Variants in ADGRL2 observed in about 807,000 individuals in gnomAD.
ADGRL2 encodes the protein adhesion G protein-coupled receptor L2, also known as calcium-independent alpha-latrotoxin receptor 2.
A neutral mutation model predicts 157.4 loss-of-function variants in ADGRL2; 44 were observed. The observed-to-expected ratio is 0.28, with a 90% CI of 0.22 to 0.36. The LOEUF (loss-of-function observed/expected upper bound fraction) is 0.36, where lower values mean the gene tolerates loss of function less well. Ranked by LOEUF, ADGRL2 falls within the 10% of genes least tolerant of loss-of-function variation. ADGRL2 has a pLI of 1.00. For missense variants in ADGRL2, 1,510 were observed against 1,768.9 expected (o/e 0.85, Z 2.63); for synonymous variants, 585 against 624.7 (o/e 0.94, Z 0.95).
intron 2 of ADGRL2, among the ~76,000 whole-genome samples, chr1:81,499,219 T>C (rs80127195): frequency 0.018 from 2,719 of 152,396 alleles, 69 homozygotes; most frequent in African/African-American, 0.062. Context: ...TTATACTCTT[T>C]GGTCCAATAA....
At chr1:81,784,489 A>G (rs968122715) in intron 2 of ADGRL2, among the ~76,000 whole-genome samples, 4 of 152,190 alleles carry the variant, frequency 2.6e-5, no homozygotes, top group African/African-American at 9.7e-5. Flanking sequence ...GCACTTTGGG[A>G]GGCCAAGGTA....
At chr1:81,863,228 T>G (rs2093439985) in intron 2 of ADGRL2, among the ~76,000 whole-genome samples, 1 of 151,424 alleles carries the variant, frequency 6.6e-6, no homozygotes. Flanking sequence ...CTTTGGGCCC[T>G]GTCATATATG....
At chr1:81,720,079 T>G (rs1388657189) in intron 1 of ADGRL2, among the ~76,000 whole-genome samples, 8 of 152,152 alleles carry the variant, frequency 5.3e-5, no homozygotes, top group Admixed American at 5.2e-4. Context: ...GCTGCTGAGG[T>G]TGCCAGAGTG....
chr1:81,476,338 TGCAAAAATATCTAAGTAAAGCA>T (rs1229458650), intron 2 of ADGRL2, among the ~76,000 whole-genome samples: 2 of 152,124 alleles, frequency 1.3e-5, no homozygotes, highest in African/African-American at 4.8e-5. Flanking sequence ...TAAGTAAAGC[TGCAAAAATATCTAAGTAAAGCA>T]GCAAAAATTG....
intron 2 of ADGRL2, among the ~76,000 whole-genome samples, chr1:81,771,720 T>A (rs2086376817): frequency 6.6e-6 from 1 of 152,044 alleles, no homozygotes; most frequent in South Asian, 2.1e-4. Context: ...TGCAACCTTA[T>A]CCTATCCCTC....
At chr1:81,962,713 AT>A (rs1655840212) in intron 11 of ADGRL2, among the ~76,000 whole-genome samples, 1 of 152,060 alleles carries the variant, frequency 6.6e-6, no homozygotes, top group Non-Finnish European at 1.5e-5. Context: ...AGCTGATTTG[AT>A]TTTTCCCCAT....
intron 2 of ADGRL2, among the ~76,000 whole-genome samples, chr1:81,461,542 T>C (rs535750746): frequency 6.6e-6 from 1 of 152,356 alleles, no homozygotes; most frequent in East Asian, 1.9e-4. Context: ...AATCTCAAAC[T>C]GAGCTTGTTG....
chr1:81,427,169 T>A (rs2077232706), intron 1 of ADGRL2: 2 of 1,025,912 alleles, frequency 1.9e-6, no homozygotes, highest in Non-Finnish European at 3.1e-6. Flanking sequence ...CGGAGGAAAC[T>A]TTCGAGGTGG....
At chr1:81,899,070 C>G (rs534617753) in intron 2 of ADGRL2, among the ~76,000 whole-genome samples, 1 of 152,012 alleles carries the variant, frequency 6.6e-6, no homozygotes, top group African/African-American at 2.4e-5. Flanking sequence ...GTATTTAGTT[C>G]AAAGTAATTA....
intron 1 of ADGRL2, among the ~76,000 whole-genome samples, chr1:81,308,244 T>G (rs1187504582): frequency 6.6e-6 from 1 of 152,160 alleles, no homozygotes; most frequent in Non-Finnish European, 1.5e-5. Context: ...TGAATTTATC[T>G]ATTTGAGCCA....
intron 2 of ADGRL2, among the ~76,000 whole-genome samples, chr1:81,477,387 A>C (rs991704630): frequency 1.3e-5 from 2 of 152,258 alleles, no homozygotes; most frequent in African/African-American, 4.8e-5. Flanking sequence ...ATGTGGATTC[A>C]TTCTGTTTCT....
intron 3 of ADGRL2, among the ~76,000 whole-genome samples, chr1:81,594,481 A>G (rs185999495): frequency 6.6e-6 from 1 of 152,334 alleles, no homozygotes; most frequent in East Asian, 1.9e-4. Flanking sequence ...TTTTGAAACT[A>G]CCAGTTTCCT....
intron 2 of ADGRL2, among the ~76,000 whole-genome samples, chr1:81,571,150 C>A (rs904495845): frequency 7.9e-5 from 12 of 151,616 alleles, no homozygotes; most frequent in African/African-American, 2.9e-4. Flanking sequence ...AGTGGTGAAA[C>A]CCTGTCTCTA....
chr1:81,431,691 A>ATTTATTT (rs1477438636), intron 1 of ADGRL2, among the ~76,000 whole-genome samples: 2 of 152,174 alleles, frequency 1.3e-5, no homozygotes, highest in Non-Finnish European at 2.9e-5. Flanking sequence ...GAACTATGCT[A>ATTTATTT]TTTATTTTTC....
intron 1 of ADGRL2, among the ~76,000 whole-genome samples, chr1:81,811,432 G>A (rs2089857021): frequency 6.6e-6 from 1 of 151,480 alleles, no homozygotes; most frequent in African/African-American, 2.4e-5. Context: ...CATTTTAAGG[G>A]AGAGAGGGGC....
intron 1 of ADGRL2, among the ~76,000 whole-genome samples, chr1:81,311,157 A>G (rs1659726728): frequency 6.6e-6 from 1 of 152,212 alleles, no homozygotes; most frequent in South Asian, 2.1e-4. Flanking sequence ...TACAAGCTCA[A>G]AACTAAAACT....
chr1:81,902,970 C>G (rs754722242), intron 2 of ADGRL2, among the ~76,000 whole-genome samples: 9 of 152,118 alleles, frequency 5.9e-5, no homozygotes, highest in Non-Finnish European at 1.0e-4. Flanking sequence ...TTTAAGAAAA[C>G]AGAGCAAGTT....
At chr1:81,369,189 A>G (rs2076119029) in intron 1 of ADGRL2, among the ~76,000 whole-genome samples, 1 of 152,036 alleles carries the variant, frequency 6.6e-6, no homozygotes, top group Non-Finnish European at 1.5e-5. Context: ...ACACACAGGC[A>G]GAGAGAGAGA....
chr1:81,730,627 G>A (rs1011342881), intron 1 of ADGRL2, among the ~76,000 whole-genome samples: 6 of 151,992 alleles, frequency 3.9e-5, no homozygotes, highest in African/African-American at 1.4e-4. Flanking sequence ...GGAGGCTGAG[G>A]CACGAGAATT....
Sources: allele counts gnomAD v4.1 joint callset (sites outside exome capture counted in the v4.1 genomes callset), GRCh38; gene constraint gnomAD v4.1.1; transcripts MANE v1.5; gene names NCBI Gene and HGNC (gene_info 2026-07-23, HGNC 2026-07-21).